The following TTN variants were observed in gnomAD, a reference collection of about 807,000 sequenced individuals.
TTN encodes the protein connectin.
A neutral mutation model predicts 3,223.0 loss-of-function variants in TTN; 1,525 were observed. The ratio of observed to expected loss-of-function variants is 0.47; its 90% confidence interval spans 0.45 to 0.49. TTN has a LOEUF of 0.49. Among genes scored for constraint, TTN ranks in the 20% least tolerant of loss-of-function variants. The probability of loss-of-function intolerance (pLI) is 0.00; values close to 1 mark genes in which losing one functional copy is unlikely to be tolerated. For missense variants in TTN, 40,786 were observed against 43,424.0 expected, an observed-to-expected ratio of 0.94 and a Z score of 5.40; for synonymous variants, 14,094 against 15,161.0, an observed-to-expected ratio of 0.93 and a Z score of 5.17.
intron 34 of TTN, 41 bp downstream of exon 34, chr2:178,771,170 T>C: frequency 6.2e-7 from 1 of 1,612,908 alleles, no homozygotes; most frequent in Non-Finnish European, 8.5e-7. Flanking sequence ...ACGATCAAGA[T>C]TGTAATATGA....
At position 178,555,040 on chromosome 2, in the gene TTN, C is replaced by A. The variant is rs1575552905; in HGVS notation, c.88419G>T (p.Glu29473Asp). The A allele has an allele frequency of 1.2e-6, 2 of 1,613,650 alleles. No individual in the cohort carries two copies. The highest frequency in any genetic ancestry group is 1.7e-5 in the Admixed American group (1 of 59,984). ...GISGKPAPTI[E>D]WYKDDKELQT... ...GTAATTCTTTATCATCTTTATACCA[C>A]TCAATAGTAGGCGCAGGTTTGCCAG... The change falls in exon 331 of 363, where the codon GAG (glutamate) becomes GAT (aspartate). Residue 29473 changes from glutamate (E) to aspartate (D), a missense_variant. Transcript: ENST00000589042.
Position 178,565,781 on chromosome 2 carries a change from G to A in TTN, c.80351C>T (p.Pro26784Leu). The change falls in exon 326 of 363, where the codon CCA (proline) becomes CTA (leucine). Residue 26784 changes from proline to leucine, a missense_variant. Pro to Leu is a moderately conservative substitution (Grantham distance 98). Coordinates refer to ENST00000589042, the MANE Select transcript of TTN (RefSeq NM_001267550.2). ...AVKAAEPPSPPGKVTLTDVSQ... is the reference protein window; with the variant it reads ...AVKAAEPPSPLGKVTLTDVSQ... ...CACATCAGTGAGTGTAACCTTTCCT[G>A]GTGGGGAAGGAGGTTCAGCAGCTTT... 1 of 1,613,564 alleles carries A rather than the reference G, an allele frequency of 6.2e-7. No individual in the cohort carries two copies. Among genetic ancestry groups the A allele is most frequent in the Non-Finnish European group, 8.5e-7 (1 of 1,179,606 alleles).
In TTN at chr2:178,728,722, T is replaced by C. The variant is rs72648954; in HGVS notation, c.19204A>G (p.Met6402Val). 5,033 of 1,611,378 alleles carry C rather than the reference T, an allele frequency of 3.1e-3. 113 individuals carry two copies. In the African/African-American group the frequency reaches 0.051, roughly 16 times the overall value. ...CCAGCCACAACACATTCCAAGGTCA[T>C]GGGATCTTTCTCCGTAACATCAACT... The part of the protein sequence containing the change: ...KSVDVTEKDP[M>V]TLECVVAGTP... The change falls in exon 66 of 363, where the codon ATG (methionine) becomes GTG (valine). Residue 6402 changes from methionine (M) to valine (V), a missense_variant. Coordinates refer to ENST00000589042, the MANE Select transcript of TTN (RefSeq NM_001267550.2).
At position 178,741,303 on chromosome 2, in the gene TTN, T is replaced by C; in HGVS notation, c.11930A>G (p.Gln3977Arg). The stretch of plus-strand genomic sequence containing the variant: ...AGTGTAATAAACACTGGTGCAAAGC[T>C]GCTTGTTTTCTTTGAACCATGTAAC... ...PTVTWFKENK[Q>R]LCTSVYYTII... is the part of the protein sequence containing the mutation. Residue 3977 changes from glutamine to arginine, a missense_variant, in exon 48 of 363, where the codon CAG becomes CGG. Transcript: ENST00000589042. 6.2e-7 allele frequency: 1 copy of C among 1,613,916 alleles called. No individual in the cohort carries two copies. The highest frequency in any genetic ancestry group is 1.3e-5 in the African/African-American group (1 of 75,046).
chr2:178,650,057 G>C, intron 210 of TTN, 107 bp downstream of exon 210: 1 of 1,317,166 alleles, frequency 7.6e-7, no homozygotes, highest in Non-Finnish European at 1.0e-6. Context: ...AATGTAGTCA[G>C]ATTTCAGGCA....
At chr2:178,598,688 C>T (rs2052453467) in intron 291 of TTN, 34 bp from the exon 292 acceptor site, 1 of 1,601,530 alleles carries the variant, frequency 6.2e-7, no homozygotes. Context: ...GTATTCTTGA[C>T]TTTTCCAAGG....
At chr2:178,585,947 G>T (rs1190988122) in intron 308 of TTN, among the ~76,000 whole-genome samples, 1 of 152,060 alleles carries the variant, frequency 6.6e-6, no homozygotes. Flanking sequence ...AATCCTTTGG[G>T]TATATACCCA....
chr2:178,643,869 C>A (rs2061547399), intron 218 of TTN, among the ~76,000 whole-genome samples: 1 of 151,858 alleles, frequency 6.6e-6, no homozygotes, highest in Non-Finnish European at 1.5e-5. Flanking sequence ...AACACTACTA[C>A]CCATTAGAAA....
chr2:178,764,931 G>A, intron 41 of TTN, 120 bp from the exon 42 acceptor site: 1 of 1,181,010 alleles, frequency 8.5e-7, no homozygotes, highest in Non-Finnish European at 1.2e-6. Flanking sequence ...TTTTGGAATT[G>A]TGGTATTTTT....
At chr2:178,683,923 A>G in intron 133 of TTN, 76 bp downstream of exon 133, 1 of 1,098,726 alleles carries the variant, frequency 9.1e-7, no homozygotes, top group Non-Finnish European at 1.3e-6. Flanking sequence ...TTTCTAATGG[A>G]ACCTATTCCA....
intron 354 of TTN, 166 bp from the exon 355 acceptor site, chr2:178,538,083 G>C (rs1692471572): frequency 1.5e-6 from 1 of 647,546 alleles, no homozygotes; most frequent in Admixed American, 3.1e-5. Context: ...AGGATCATAT[G>C]GTAAATAGGG....
At position 178,722,347 on chromosome 2, in the gene TTN, T is replaced by C. The variant is rs1057521208; in HGVS notation, c.22440A>G (p.Gln7480=). The C allele has an allele frequency of 6.2e-7, 1 of 1,613,268 alleles. No homozygotes were observed. The highest frequency in any genetic ancestry group is 2.2e-5 in the East Asian group (1 of 44,830). ...ACTGGCCAGAGTGACTCAAGTCAGT[T>C]TGCAAAATTTTTAAAGTTGCCACAT... The part of the protein sequence containing the change: ...VDNVATLKIL[Q]TDLSHSGQYS... The change falls in exon 77 of 363, where the codon CAA becomes CAG. Residue 7480 remains glutamine, a synonymous_variant. Coordinates refer to ENST00000589042, the MANE Select transcript of TTN (RefSeq NM_001267550.2).
Position 178,582,805 on chromosome 2 carries a change from T to C in TTN, c.65863+135A>G. The stretch of plus-strand genomic sequence containing the variant: ...TCTTTTTAACTCTAAAACGTGGTTC[T>C]GTCATAAGAATAATTCTGTGCATAG... On this transcript the variant is annotated intron_variant, in intron 313 of 362. Transcript: ENST00000589042. 3 of 957,638 alleles carry C rather than the reference T, an allele frequency of 3.1e-6. No individual in the cohort carries two copies. In the African/African-American group the frequency reaches 5.0e-5, roughly 16 times the overall value. The allele number at this position is 957,638 out of a possible 1,614,324, so 59.3% of individuals were successfully genotyped here.
chr2:178,646,402 T>C, intron 216 of TTN, 83 bp downstream of exon 216: 3 of 902,584 alleles, frequency 3.3e-6, no homozygotes, highest in Non-Finnish European at 5.1e-6. Context: ...ACAGACATAC[T>C]ACATATGTAC....
In TTN at chr2:178,664,105, A is replaced by C. The variant is rs185722301; in HGVS notation, c.36281-7T>G. The C allele has an allele frequency of 1.1e-5, 17 of 1,604,234 alleles. No individual in the cohort carries two copies. The African/African-American group carries it at 2.2e-4, about 20-fold the overall frequency. On this transcript the variant is annotated splice_polypyrimidine_tract_variant and splice_region_variant and intron_variant, in intron 168 of 362. Transcript: ENST00000589042. Reference sequence around the variant, plus strand: ...TCTTTGGGAGCTTCGTGCACTTGAAAGATATTAGTATTTTTACACTCAGAA... The same window carrying C: ...TCTTTGGGAGCTTCGTGCACTTGAACGATATTAGTATTTTTACACTCAGAA...
chr2:178,714,814 T>C (rs531672352), intron 90 of TTN, among the ~76,000 whole-genome samples, 172 bp downstream of exon 90: 28 of 152,060 alleles, frequency 1.8e-4, no homozygotes, highest in Non-Finnish European at 2.6e-4. Context: ...TAAAAGGATA[T>C]TCAGTAGGAT....
intron 47 of TTN, chr2:178,745,489 G>T (rs1314543629): frequency 6.5e-7 from 1 of 1,547,682 alleles, no homozygotes; most frequent in East Asian, 2.4e-5. Flanking sequence ...AAATATGGTG[G>T]ACCTGTTTGG....
chr2:178,719,102 A>T, intron 83 of TTN, 62 bp downstream of exon 83: 3 of 1,548,364 alleles, frequency 1.9e-6, no homozygotes, highest in Non-Finnish European at 2.6e-6. Context: ...CAGGGAAGGC[A>T]GGCACCACGT....
rs761938553 is a variant in TTN, at chr2:178,746,311, C to T, written c.11312-4390G>A. 3.1e-6 allele frequency: 5 copies of T among 1,612,538 alleles called. No individual in the cohort carries two copies. Among genetic ancestry groups the T allele is most frequent in the Non-Finnish European group, 3.4e-6 (4 of 1,179,460 alleles). ...CAATTTTTAGTTCTTTGTCTTCTCC[C>T]TCCCTTGAATCCATATTTGGATCTA... On this transcript the variant is annotated intron_variant, in intron 47 of 362. Coordinates refer to ENST00000589042, the MANE Select transcript of TTN (RefSeq NM_001267550.2).
Sources: gnomAD v4.1 joint callset for allele counts (sites outside exome capture counted in the v4.1 genomes callset) on GRCh38, gnomAD v4.1.1 for gene constraint, MANE v1.5 for transcripts, NCBI Gene and HGNC (gene_info 2026-07-23, HGNC 2026-07-21) for gene names.